The following DPF3 variants were observed in gnomAD, a reference collection of about 807,000 sequenced individuals.
DPF3 encodes double PHD fingers 3, also known as zinc finger protein DPF3.
DPF3 carries 18 observed loss-of-function variants against 56.8 expected under a neutral mutation model. The observed-to-expected ratio is 0.32, with a 90% CI of 0.22 to 0.47. DPF3 has a LOEUF of 0.47. DPF3 is among the 20% of genes least tolerant of loss of function. The pLI, the probability that DPF3 is intolerant of heterozygous loss-of-function variation, is 1.00. For missense variants in DPF3, 403 were observed against 488.8 expected (o/e 0.82, Z 1.65); for synonymous variants, 188 against 180.2 (o/e 1.04, Z -0.35).
intron 1 of DPF3, among the ~76,000 whole-genome samples, chr14:72,884,971 T>TATATATATATATATATATATATA (rs10523148): frequency 2.6e-3 from 291 of 111,516 alleles, no homozygotes; most frequent in Non-Finnish European, 3.4e-3. Flanking sequence ...TATATATATA[T>TATATATATATATATATATATATA]TAGCCGGGCG....
At chr14:72,629,509 G>GCTC in intron 9 of DPF3, 115 bp downstream of exon 9, 1 of 973,670 alleles carries the variant, frequency 1.0e-6, no homozygotes, top group Non-Finnish European at 1.5e-6. Flanking sequence ...GCTCCCAAGT[G>GCTC]CCAGGGTAAC....
In DPF3 at chr14:72,728,916, G is replaced by A. The variant is rs932213151; in HGVS notation, c.429+2891C>T. 2.0e-5 allele frequency among the ~76,000 whole-genome samples: 3 copies of A among 152,278 alleles called. No individual in the cohort carries two copies. In the East Asian group the frequency reaches 5.8e-4, roughly 29 times the overall value. On this transcript the variant is annotated intron_variant, in intron 4 of 10. Transcript: ENST00000556509. ...GGAGGCAGGGGCAGTCAGGGCAAGG[G>A]TGTGAGATGAAGTACGGCACGGTCA...
intron 1 of DPF3, among the ~76,000 whole-genome samples, chr14:72,872,277 G>A (rs979417366): frequency 1.1e-4 from 17 of 152,172 alleles, no homozygotes; most frequent in Admixed American, 9.2e-4. Flanking sequence ...AGGGGCTGCC[G>A]TGAAGGTCTC....
chr14:72,627,306 G>A (rs1301609864), intron 9 of DPF3, among the ~76,000 whole-genome samples: 1 of 152,034 alleles, frequency 6.6e-6, no homozygotes, highest in East Asian at 1.9e-4. Flanking sequence ...GATCCCCAAT[G>A]TATTTGGTGA....
At chr14:72,662,337 T>G in intron 8 of DPF3, 1 of 984,934 alleles carries the variant, frequency 1.0e-6, no homozygotes, top group Non-Finnish European at 1.2e-6. Flanking sequence ...CATTAAGTAC[T>G]CTTATGATTT....
chr14:72,630,673 CA>C (rs1885117110), intron 8 of DPF3, among the ~76,000 whole-genome samples: 1 of 152,176 alleles, frequency 6.6e-6, no homozygotes, highest in Non-Finnish European at 1.5e-5. Context: ...ATGACATTCC[CA>C]AGTCGCCCAG....
At chr14:72,881,511 G>A (rs893551657) in intron 1 of DPF3, among the ~76,000 whole-genome samples, 1 of 152,112 alleles carries the variant, frequency 6.6e-6, no homozygotes, top group African/African-American at 2.4e-5. Context: ...GGAATCCACC[G>A]TCCCTTCCCT....
intron 8 of DPF3, among the ~76,000 whole-genome samples, chr14:72,655,449 C>T (rs1253078107): frequency 6.6e-6 from 1 of 152,114 alleles, no homozygotes; most frequent in Non-Finnish European, 1.5e-5. Context: ...TTATGAAATC[C>T]ATGCACCAAA....
At chr14:72,741,415 T>A (rs1890115928) in intron 3 of DPF3, among the ~76,000 whole-genome samples, 1 of 152,192 alleles carries the variant, frequency 6.6e-6, no homozygotes, top group African/African-American at 2.4e-5. Context: ...GTGATCCCTG[T>A]TTGGTGCCTG....
intron 3 of DPF3, among the ~76,000 whole-genome samples, chr14:72,747,546 G>A (rs538445228): frequency 1.3e-5 from 2 of 151,872 alleles, no homozygotes; most frequent in East Asian, 3.9e-4. Flanking sequence ...CAGCATTTTG[G>A]GAGGCCCGAG....
At chr14:72,738,372 A>C (rs1489783796) in intron 3 of DPF3, among the ~76,000 whole-genome samples, 1 of 151,936 alleles carries the variant, frequency 6.6e-6, no homozygotes, top group Non-Finnish European at 1.5e-5. Context: ...TAACAGGAGG[A>C]CTCATCCCTC....
chr14:72,703,430 T>A (rs545600679), intron 6 of DPF3, among the ~76,000 whole-genome samples: 7 of 152,170 alleles, frequency 4.6e-5, no homozygotes, highest in Non-Finnish European at 1.5e-5. Context: ...ATTTACTAGA[T>A]GTGAGGAAGA....
At chr14:72,823,227 G>T (rs995838447) in intron 1 of DPF3, among the ~76,000 whole-genome samples, 1 of 152,164 alleles carries the variant, frequency 6.6e-6, no homozygotes, top group Non-Finnish European at 1.5e-5. Context: ...CCTCCCTCCA[G>T]TTCTCCAAGG....
intron 8 of DPF3, 136 bp downstream of exon 8, chr14:72,674,104 T>A (rs1254647710): frequency 1.5e-6 from 2 of 1,292,300 alleles, no homozygotes; most frequent in Non-Finnish European, 2.0e-6. Flanking sequence ...CAGAATGAGC[T>A]GAAAACTCCT....
At chr14:72,707,758 C>T (rs1480486289) in intron 6 of DPF3, among the ~76,000 whole-genome samples, 1 of 150,376 alleles carries the variant, frequency 6.6e-6, no homozygotes, top group Non-Finnish European at 1.5e-5. Context: ...ACAAATACAG[C>T]AAAAAATTAT....
At chr14:72,720,948 T>C (rs142465213) in intron 5 of DPF3, among the ~76,000 whole-genome samples, 162 of 152,274 alleles carry the variant, frequency 1.1e-3, no homozygotes, top group African/African-American at 3.7e-3. Context: ...ATATCCAAAA[T>C]ATGATAGTTT....
At chr14:72,758,108 C>A (rs58827251) in intron 2 of DPF3, among the ~76,000 whole-genome samples, 1 of 152,078 alleles carries the variant, frequency 6.6e-6, no homozygotes, top group African/African-American at 2.4e-5. Context: ...ACCATTGGAA[C>A]AATGCAAATA....
chr14:72,835,979 C>T (rs933433593), intron 1 of DPF3: 7 of 906,666 alleles, frequency 7.7e-6, no homozygotes, highest in Middle Eastern at 5.5e-4. Context: ...AAGATACACC[C>T]GCCGGAGACC....
intron 8 of DPF3, among the ~76,000 whole-genome samples, chr14:72,640,967 C>T (rs550028669): frequency 2.6e-5 from 4 of 152,100 alleles, no homozygotes; most frequent in East Asian, 1.9e-4. Context: ...GAGTTGAAAG[C>T]GTTAAAGAGC....
Sources: gnomAD v4.1 joint callset for allele counts (sites outside exome capture counted in the v4.1 genomes callset) on GRCh38, gnomAD v4.1.1 for gene constraint, MANE v1.5 for transcripts, NCBI Gene and HGNC (gene_info 2026-07-23, HGNC 2026-07-21) for gene names.